Variants in DGKD observed in about 807,000 individuals in gnomAD.
DGKD encodes the protein diacylglycerol kinase delta, also known as DAG kinase delta.
Under a neutral mutation model 154.4 loss-of-function variants are expected in DGKD, and 68 were observed. That is an observed-to-expected ratio of 0.44 (90% CI 0.36 to 0.54). The LOEUF is 0.54. DGKD is among the 20% of genes least tolerant of loss of function. The probability of loss-of-function intolerance (pLI) is 0.00; values close to 1 mark genes in which losing one functional copy is unlikely to be tolerated. For synonymous variants in DGKD, 693 were observed against 638.0 expected (o/e 1.09, Z -1.30); for missense variants, 1,343 against 1,593.6 (o/e 0.84, Z 2.68).
chr2:233,356,865 G>T (rs1320223686), intron 1 of DGKD, among the ~76,000 whole-genome samples: 1 of 151,838 alleles, frequency 6.6e-6, no homozygotes, highest in African/African-American at 2.4e-5. Flanking sequence ...AATTCCTCTG[G>T]TATCTATGGT....
intron 1 of DGKD, among the ~76,000 whole-genome samples, chr2:233,359,732 G>A (rs1701693507): frequency 6.6e-6 from 1 of 152,170 alleles, no homozygotes; most frequent in Non-Finnish European, 1.5e-5. Context: ...GCAAATATTT[G>A]AGATCTTAAC....
chr2:233,438,169 G>C lies in DGKD; in HGVS notation c.923-48G>C. ...GCTGATTCCATCAGTGGTGCCCTCA[G>C]CGTCTTCCGTGGCCTATATATTTTC... On this transcript the variant is annotated intron_variant, in intron 8 of 29. Transcript: ENST00000264057. The surrounding 1 kb of genome is among the most constrained non-coding windows in gnomAD (Gnocchi z 4.1). 6.3e-7 allele frequency: 1 copy of C among 1,597,552 alleles called. No individual in the cohort carries two copies. Among genetic ancestry groups the C allele is most frequent in the South Asian group, 1.1e-5 (1 of 88,946 alleles).
chr2:233,372,252 C>G (rs1702359251), intron 1 of DGKD, among the ~76,000 whole-genome samples: 1 of 152,154 alleles, frequency 6.6e-6, no homozygotes, highest in Non-Finnish European at 1.5e-5. Context: ...AATTCCTGGG[C>G]TCAAGCAATC....
chr2:233,390,193 G>A (rs978990317), intron 2 of DGKD, among the ~76,000 whole-genome samples: 1 of 152,064 alleles, frequency 6.6e-6, no homozygotes, highest in African/African-American at 2.4e-5. Flanking sequence ...AAAAATCATG[G>A]CACTATACCT....
At chr2:233,414,854 G>C (rs2061920862) in intron 3 of DGKD, among the ~76,000 whole-genome samples, 1 of 152,174 alleles carries the variant, frequency 6.6e-6, no homozygotes, top group South Asian at 2.1e-4. Flanking sequence ...TTCAGAGTGA[G>C]CAGTGAACCA....
Position 233,431,700 on chromosome 2 carries a change from G to A in DGKD, c.349-2680G>A, listed in dbSNP as rs564868796. Among the ~76,000 whole-genome samples, 293 of 152,274 alleles carry A rather than the reference G, an allele frequency of 1.9e-3. 2 individuals carry two copies. Among genetic ancestry groups the A allele is most frequent in the African/African-American group, 6.5e-3 (271 of 41,544 alleles). On this transcript the variant is annotated intron_variant, in intron 3 of 29. Transcript: ENST00000264057. ...CACAGTGAACACATTTTTGACAAAC[G>A]TACCAAGAACATATACTGAGGAAAG... is the stretch of plus-strand genomic sequence containing the variant.
chr2:233,369,050 T>C (rs948130354), intron 1 of DGKD, among the ~76,000 whole-genome samples: 10 of 152,266 alleles, frequency 6.6e-5, no homozygotes, highest in Middle Eastern at 3.4e-3. Flanking sequence ...TTGGCTTAGG[T>C]TTAGGGTTGT....
chr2:233,417,269 G>A (rs973606161), intron 3 of DGKD, among the ~76,000 whole-genome samples: 3 of 152,170 alleles, frequency 2.0e-5, no homozygotes, highest in East Asian at 3.8e-4. Context: ...CTGATCTCAG[G>A]TGATTTGCCC....
At chr2:233,453,443 C>G (rs761245557) in intron 18 of DGKD, among the ~76,000 whole-genome samples, 4 of 152,348 alleles carry the variant, frequency 2.6e-5, no homozygotes, top group African/African-American at 9.6e-5. Flanking sequence ...TGGTCTTCCC[C>G]CTGGTAAACA....
Position 233,438,837 on chromosome 2 carries a change from G to T in DGKD, c.1085+458G>T, listed in dbSNP as rs1171746323. 6.6e-6 allele frequency among the ~76,000 whole-genome samples: 1 copy of T among 151,520 alleles called. No individual in the cohort carries two copies. The highest frequency in any genetic ancestry group is 1.5e-5 in the Non-Finnish European group (1 of 67,972). ...ATCTGTGGGTGTATTTTCCTGGCGTGCCTCGTTCTTTGTAACAGCTGCCTA... is the reference window on the plus strand; with the variant it reads ...ATCTGTGGGTGTATTTTCCTGGCGTTCCTCGTTCTTTGTAACAGCTGCCTA... On this transcript the variant is annotated intron_variant, in intron 9 of 29. Coordinates refer to ENST00000264057, the MANE Select transcript of DGKD (RefSeq NM_152879.3). This position sits in a 1 kb window ranked among gnomAD's most constrained non-coding sequence, Gnocchi z 4.1.
intron 3 of DGKD, among the ~76,000 whole-genome samples, chr2:233,430,806 CCA>C (rs764346978): frequency 6.6e-6 from 1 of 152,126 alleles, no homozygotes; most frequent in Non-Finnish European, 1.5e-5. Flanking sequence ...TCTTTTTCCC[CCA>C]CATGTTTGTC....
At chr2:233,432,038 TC>T (rs2062531707) in intron 3 of DGKD, among the ~76,000 whole-genome samples, 2 of 152,354 alleles carry the variant, frequency 1.3e-5, no homozygotes, top group African/African-American at 4.8e-5. Flanking sequence ...GTTAAAAAGT[TC>T]CTGCACAGCA....
At chr2:233,358,101 A>G (rs1248669017) in intron 1 of DGKD, among the ~76,000 whole-genome samples, 1 of 152,244 alleles carries the variant, frequency 6.6e-6, no homozygotes, top group African/African-American at 2.4e-5. Flanking sequence ...CAGCAAAGAC[A>G]TTACTTCATT....
chr2:233,386,164 T>G, intron 1 of DGKD: 1 of 316,162 alleles, frequency 3.2e-6, no homozygotes, highest in Non-Finnish European at 6.3e-6. Context: ...TTTGTCTTTT[T>G]TTTTTTTCCC....
At chr2:233,462,219 T>A in intron 24 of DGKD, 129 bp from the exon 25 acceptor site, 1 of 682,542 alleles carries the variant, frequency 1.5e-6, no homozygotes, top group South Asian at 2.0e-5. Context: ...CCACGATCCC[T>A]GTCGTCCTGC....
chr2:233,354,690 G>A lies in DGKD; in HGVS notation c.156+16G>A, dbSNP rs1336203883. 4.1e-6 allele frequency: 4 copies of A among 985,364 alleles called. No individual in the cohort carries two copies. In the African/African-American group the frequency reaches 5.3e-5, roughly 13 times the overall value. 61.0% of individuals were successfully genotyped at this position (985,364 alleles called of 1,614,324 possible). On this transcript the variant is annotated intron_variant, in intron 1 of 29. Transcript: ENST00000264057. The surrounding 1 kb of genome is among the most constrained non-coding windows in gnomAD (Gnocchi z 4.8). ...CCGACAGAAGGTGAGCCCGCGGCGC[G>A]GCGGCCCGGGCGCGCGCCCCTCACG...
rs1274237064 is a variant in DGKD at position 233,445,432 on chromosome 2, T to C, written c.1195-191T>C. 6.6e-6 allele frequency among the ~76,000 whole-genome samples: 1 copy of C among 152,162 alleles called. No homozygotes were observed. The highest frequency in any genetic ancestry group is 1.5e-5 in the Non-Finnish European group (1 of 68,024). ...TCTCAAGGGCAGTCATGTTTCTGTC[T>C]CATTGCCAAGGAAAATGCCATCTGT... On this transcript the variant is annotated intron_variant, in intron 10 of 29. Transcript: ENST00000264057. The surrounding 1 kb of genome is among the most constrained non-coding windows in gnomAD (Gnocchi z 5.5).
intron 3 of DGKD, among the ~76,000 whole-genome samples, chr2:233,431,445 T>G (rs963517601): frequency 3.3e-5 from 5 of 152,142 alleles, no homozygotes; most frequent in African/African-American, 9.7e-5. Context: ...AAAATACCAA[T>G]GACATTCTTC....
At chr2:233,447,095 C>T (rs553212665) in intron 12 of DGKD, among the ~76,000 whole-genome samples, 25 of 152,288 alleles carry the variant, frequency 1.6e-4, no homozygotes, top group Admixed American at 7.8e-4. Flanking sequence ...TCCTCAGCTG[C>T]GCAGTGAGCC....
Sources: allele counts gnomAD v4.1 joint callset (sites outside exome capture counted in the v4.1 genomes callset), GRCh38; gene constraint gnomAD v4.1.1; non-coding constraint Gnocchi (gnomAD v3.1); transcripts MANE v1.5; gene names NCBI Gene and HGNC (gene_info 2026-07-23, HGNC 2026-07-21).